Variants in CREB5 observed in about 807,000 individuals in gnomAD.
The protein encoded by CREB5 is cAMP responsive element binding protein 5.
CREB5 carries 19 observed loss-of-function variants against 57.1 expected under a neutral mutation model. The observed-to-expected ratio is 0.33, with a 90% CI of 0.23 to 0.49. CREB5 has a LOEUF of 0.49. Ranked by LOEUF, CREB5 falls within the 20% of genes least tolerant of loss-of-function variation. The probability of loss-of-function intolerance (pLI) is 0.99; values close to 1 mark genes in which losing one functional copy is unlikely to be tolerated. For missense variants in CREB5, 579 were observed against 671.6 expected (o/e 0.86, Z 1.52); for synonymous variants, 238 against 238.3 (o/e 1.00, Z 0.01).
intron 7 of CREB5, among the ~76,000 whole-genome samples, chr7:28,741,507 A>T (rs1269203592): frequency 6.6e-6 from 1 of 152,138 alleles, no homozygotes; most frequent in East Asian, 1.9e-4. Flanking sequence ...TCCCTGGAAG[A>T]GTCCTTTGTA....
intron 4 of CREB5, among the ~76,000 whole-genome samples, chr7:28,570,131 GTAAGGAAACTT>G (rs1795637435): frequency 1.3e-5 from 2 of 152,190 alleles, no homozygotes; most frequent in Non-Finnish European, 2.9e-5. Context: ...CAGCAGAGTG[GTAAGGAAACTT>G]TAAGGCATTT....
At chr7:28,528,704 CAAAAAAAAAAAAA>C (rs778154325) in intron 4 of CREB5, among the ~76,000 whole-genome samples, 2 of 58,392 alleles carry the variant, frequency 3.4e-5, no homozygotes, top group African/African-American at 6.0e-5. Flanking sequence ...AACTCCATCT[CAAAAAAAAAAAAA>C]AAAAAAAAAA....
intron 1 of CREB5, among the ~76,000 whole-genome samples, chr7:28,459,061 G>A (rs1210096284): frequency 6.6e-6 from 1 of 152,144 alleles, no homozygotes; most frequent in East Asian, 1.9e-4. Context: ...ACGAACTGTA[G>A]CCGTCAGAGC....
chr7:28,319,804 A>T (rs1785458401), intron 1 of CREB5, among the ~76,000 whole-genome samples: 6 of 150,428 alleles, frequency 4.0e-5, no homozygotes, highest in Admixed American at 4.0e-4. Flanking sequence ...ATTGATGAAA[A>T]CTCTAGGTGG....
intron 1 of CREB5, among the ~76,000 whole-genome samples, chr7:28,404,946 C>A (rs1480986128): frequency 6.6e-6 from 1 of 152,178 alleles, no homozygotes; most frequent in African/African-American, 2.4e-5. Flanking sequence ...CTGTGCAATT[C>A]TGGGTAAGTT....
chr7:28,804,507 C>T lies in CREB5; in HGVS notation c.1011C>T (p.Thr337=), dbSNP rs369220982. Residue 337 remains threonine, a synonymous_variant, in exon 8 of 11, where the codon ACC becomes ACT. Coordinates refer to ENST00000357727, the MANE Select transcript of CREB5 (RefSeq NM_182898.4). ...HQTSPHPPLH[T]GNQAQVSPAT... ...CCTCGCCACATCCGCCCCTGCACAC[C>T]GGCAACCAAGCACAGGTAGACCTTT... 84 of 1,613,820 alleles carry T rather than the reference C, an allele frequency of 5.2e-5. No homozygotes were observed. Among genetic ancestry groups the T allele is most frequent in the African/African-American group, 2.0e-4 (15 of 74,890 alleles).
chr7:28,530,508 T>A (rs1583584659), intron 4 of CREB5, among the ~76,000 whole-genome samples: 1 of 152,124 alleles, frequency 6.6e-6, no homozygotes, highest in East Asian at 1.9e-4. Flanking sequence ...TATGATCCCA[T>A]AAAAAGCTGC....
chr7:28,774,775 G>A (rs1397713465), intron 7 of CREB5, among the ~76,000 whole-genome samples: 1 of 152,234 alleles, frequency 6.6e-6, no homozygotes, highest in Non-Finnish European at 1.5e-5. Flanking sequence ...GGTAGCCAAA[G>A]CAGGGCACTG....
At chr7:28,571,318 T>C (rs901504792) in intron 5 of CREB5, among the ~76,000 whole-genome samples, 1 of 152,184 alleles carries the variant, frequency 6.6e-6, no homozygotes, top group Non-Finnish European at 1.5e-5. Flanking sequence ...GGGACCACCA[T>C]ATTTCCACAG....
chr7:28,510,735 G>A (rs1018316835), intron 4 of CREB5, among the ~76,000 whole-genome samples: 2 of 152,190 alleles, frequency 1.3e-5, no homozygotes, highest in Admixed American at 6.5e-5. Context: ...ACTGGAGAAA[G>A]CCCTCATTAT....
chr7:28,805,032 C>G (rs1031389451), intron 8 of CREB5, among the ~76,000 whole-genome samples: 2 of 152,250 alleles, frequency 1.3e-5, no homozygotes, highest in Admixed American at 1.3e-4. Flanking sequence ...AGTAACAATT[C>G]AAGGCAGACA....
At chr7:28,662,901 C>G (rs753199867) in intron 5 of CREB5, among the ~76,000 whole-genome samples, 9 of 152,084 alleles carry the variant, frequency 5.9e-5, no homozygotes, top group Middle Eastern at 6.8e-3. Flanking sequence ...AATCCCAGCA[C>G]TTTGGGAGGC....
chr7:28,729,217 T>C (rs1323885012), intron 7 of CREB5, among the ~76,000 whole-genome samples: 3 of 152,188 alleles, frequency 2.0e-5, no homozygotes, highest in African/African-American at 4.8e-5. Flanking sequence ...TTTTCACAAG[T>C]GAGGACACCG....
At chr7:28,379,341 C>T (rs1334112380) in intron 1 of CREB5, among the ~76,000 whole-genome samples, 1 of 152,198 alleles carries the variant, frequency 6.6e-6, no homozygotes, top group African/African-American at 2.4e-5. Flanking sequence ...GCTCCCAAAG[C>T]AATTCAATTT....
intron 5 of CREB5, among the ~76,000 whole-genome samples, chr7:28,623,410 A>C (rs1472364184): frequency 1.3e-5 from 2 of 152,208 alleles, no homozygotes; most frequent in Non-Finnish European, 2.9e-5. Context: ...TTATATGTCA[A>C]AATAGCTTTA....
intron 4 of CREB5, among the ~76,000 whole-genome samples, chr7:28,560,857 T>C (rs201460431): frequency 0.21 from 10,381 of 50,474 alleles, 1,986 homozygotes; most frequent in African/African-American, 0.25. Context: ...CGTGTGTGTG[T>C]GCGTGTGCCT....
chr7:28,673,669 T>C (rs1284371795), intron 5 of CREB5, among the ~76,000 whole-genome samples: 113 of 130,218 alleles, frequency 8.7e-4, no homozygotes, highest in African/African-American at 3.1e-3. Context: ...TTTTTTTTTT[T>C]TTTTTTTTTT....
chr7:28,459,142 G>A (rs1583488288), intron 1 of CREB5, among the ~76,000 whole-genome samples: 1 of 152,274 alleles, frequency 6.6e-6, no homozygotes, highest in Non-Finnish European at 1.5e-5. Flanking sequence ...CTTTATTTGA[G>A]CCTTCCAGAG....
At chr7:28,396,002 A>T (rs1407334415) in intron 1 of CREB5, among the ~76,000 whole-genome samples, 7 of 152,214 alleles carry the variant, frequency 4.6e-5, no homozygotes, top group Non-Finnish European at 1.0e-4. Context: ...TCATCAGCTC[A>T]ATTAAACTGG....
Sources: gnomAD v4.1 joint callset for allele counts (sites outside exome capture counted in the v4.1 genomes callset) on GRCh38, gnomAD v4.1.1 for gene constraint, MANE v1.5 for transcripts, NCBI Gene and HGNC (gene_info 2026-07-23, HGNC 2026-07-21) for gene names.